CFAP43: variants seen among roughly 807,000 people sequenced by gnomAD.
CFAP43 encodes the protein cilia- and flagella-associated protein 43.
In CFAP43, 155 loss-of-function variants were observed where a neutral mutation model predicts 218.9. The ratio of observed to expected loss-of-function variants is 0.71; its 90% CI spans 0.62 to 0.81. The LOEUF is 0.81. Among genes scored for constraint, CFAP43 ranks in the 30% least tolerant of loss-of-function variants. CFAP43 has a pLI of 0.00. For missense variants in CFAP43, 1,778 were observed against 1,954.3 expected (o/e 0.91, Z 1.70); for synonymous variants, 645 against 681.3 (o/e 0.95, Z 0.83).
Position 104,182,515 on chromosome 10 carries a change from T to G in CFAP43, c.2142-2A>C. 3.2e-6 allele frequency: 5 copies of G among 1,567,530 alleles called. No homozygotes were observed. The highest frequency in any genetic ancestry group is 4.3e-6 in the Non-Finnish European group (5 of 1,165,896). ...CTGGCTAGGTGTCCTCCAAATCGCC[T>G]ATATTAATAAAAAAGAAAACACAGA... On this transcript the variant is annotated splice_acceptor_variant, in intron 16 of 37. Transcript: ENST00000357060. LOFTEE classifies it high-confidence loss of function.
intron 12 of CFAP43, among the ~76,000 whole-genome samples, chr10:104,191,789 TGGGG>T (rs34617952): frequency 2.3e-4 from 33 of 145,878 alleles, no homozygotes; most frequent in African/African-American, 7.7e-4. Flanking sequence ...ATTGTGTGTG[TGGGG>T]GGGGGGAAAC....
intron 32 of CFAP43, 52 bp downstream of exon 32, chr10:104,143,374 T>G (rs1489149197): frequency 1.3e-6 from 2 of 1,484,292 alleles, no homozygotes; most frequent in South Asian, 1.2e-5. Flanking sequence ...ATGTAAACTA[T>G]GTATTTGATA....
intron 21 of CFAP43, among the ~76,000 whole-genome samples, chr10:104,168,134 C>T (rs1037450482): frequency 2.6e-5 from 4 of 152,144 alleles, no homozygotes; most frequent in African/African-American, 9.7e-5. Flanking sequence ...AGAACAGCCC[C>T]CACAACAAGA....
chr10:104,195,848 A>T (rs2090367610), intron 10 of CFAP43, among the ~76,000 whole-genome samples: 1 of 152,146 alleles, frequency 6.6e-6, no homozygotes, highest in Non-Finnish European at 1.5e-5. Context: ...CCTCCTGGAA[A>T]ATCTCTTGAA....
At chr10:104,218,815 G>A (rs747555490) in intron 3 of CFAP43, 5 of 546,106 alleles carry the variant, frequency 9.2e-6, no homozygotes, top group Non-Finnish European at 1.9e-5. Flanking sequence ...CTAGGGTGTT[G>A]CCCTCATCTC....
chr10:104,131,373 A>G lies in CFAP43; in HGVS notation c.4789T>C (p.Leu1597=), dbSNP rs779318376. The G allele has an allele frequency of 1.9e-6, 3 of 1,613,140 alleles. No individual in the cohort carries two copies. Among genetic ancestry groups the G allele is most frequent in the Admixed American group, 1.7e-5 (1 of 59,834 alleles). Residue 1597 remains leucine, a synonymous_variant, in exon 37 of 38, where the codon TTG becomes CTG. Transcript: ENST00000357060. The stretch of plus-strand genomic sequence containing the variant: ...TCTTTTCTCTCTGAGACAGCTACCA[A>G]CTCTTCTCGTAGATTGCAGCTTAGG... ...YALSCNLREE[L]VAVSERKDIC...
intron 32 of CFAP43, 95 bp from the exon 33 acceptor site, chr10:104,142,488 A>C: frequency 2.5e-6 from 2 of 792,282 alleles, no homozygotes; most frequent in East Asian, 5.4e-5. Flanking sequence ...AAACCTTAAC[A>C]GGTCTATCTT....
chr10:104,187,134 A>T (rs1453097054), intron 14 of CFAP43, among the ~76,000 whole-genome samples, 186 bp downstream of exon 14: 1 of 152,226 alleles, frequency 6.6e-6, no homozygotes, highest in Non-Finnish European at 1.5e-5. Flanking sequence ...GGTTGCTCAA[A>T]TATATTGTAT....
Position 104,185,237 on chromosome 10 carries a change from T to G in CFAP43, c.2011-91A>C, listed in dbSNP as rs1320547386. 5.3e-6 allele frequency: 8 copies of G among 1,508,012 alleles called. No homozygotes were observed. The East Asian group carries it at 1.8e-4, about 34-fold the overall frequency. 93.4% of individuals were successfully genotyped at this position (1,508,012 alleles called of 1,614,324 possible). On this transcript the variant is annotated intron_variant, in intron 15 of 37. Coordinates refer to ENST00000357060, the MANE Select transcript of CFAP43 (RefSeq NM_025145.7). ...GGGTTATATGCCCCTTTTTTGTGGA[T>G]AAATCATTTTCTATTTGCTAACAGC...
rs746017885 is a variant in CFAP43 at position 104,196,826 on chromosome 10, T to A, written c.1293+27A>T. 90 of 1,547,386 alleles carry A rather than the reference T, an allele frequency of 5.8e-5. 2 individuals carry two copies. Among genetic ancestry groups the A allele is most frequent in the Admixed American group, 2.0e-4 (11 of 53,856 alleles). ...ATTGGATTAGAATTCAGTATTTTTTTAAAATCCATTTATCAAGTATACTTA... is the reference window on the plus strand; with the variant it reads ...ATTGGATTAGAATTCAGTATTTTTTAAAAATCCATTTATCAAGTATACTTA... On this transcript the variant is annotated intron_variant, in intron 10 of 37. Coordinates refer to ENST00000357060, the MANE Select transcript of CFAP43 (RefSeq NM_025145.7).
At chr10:104,176,730 G>A (rs1043297475) in intron 19 of CFAP43, among the ~76,000 whole-genome samples, 1 of 152,144 alleles carries the variant, frequency 6.6e-6, no homozygotes, top group Admixed American at 6.5e-5. Context: ...GAAGATAGCA[G>A]GGTCTCCAAC....
Position 104,198,082 on chromosome 10 carries a change from G to A in CFAP43, c.1096-44C>T, listed in dbSNP as rs768136830. On this transcript the variant is annotated intron_variant, in intron 8 of 37. Transcript: ENST00000357060. ...AAAAGAAACACATTGTAATTGTTGTGTATATAGTTCAACAAATATTTATTA... is the reference window on the plus strand; with the variant it reads ...AAAAGAAACACATTGTAATTGTTGTATATATAGTTCAACAAATATTTATTA... The A allele has an allele frequency of 8.5e-6, 10 of 1,179,148 alleles. No individual in the cohort carries two copies. The South Asian group carries it at 1.0e-4, about 12-fold the overall frequency. The allele number at this position is 1,179,148 out of a possible 1,614,324, so 73.0% of individuals were successfully genotyped here. A position where few individuals can be genotyped will look rare whatever the true frequency, so the allele number is the denominator to read the frequency against.
intron 3 of CFAP43, chr10:104,218,895 G>A (rs781156060): frequency 6.1e-6 from 3 of 494,502 alleles, no homozygotes; most frequent in Admixed American, 2.2e-5. Context: ...CATGACAGCG[G>A]GAGACTGGAC....
At chr10:104,184,318 T>A (rs1356203224) in intron 16 of CFAP43, among the ~76,000 whole-genome samples, 1 of 152,084 alleles carries the variant, frequency 6.6e-6, no homozygotes, top group Non-Finnish European at 1.5e-5. Context: ...CAAAATCTAA[T>A]TAGGAAAGTG....
At chr10:104,205,882 T>G in intron 7 of CFAP43, 81 bp downstream of exon 7, 1 of 1,155,198 alleles carries the variant, frequency 8.7e-7, no homozygotes, top group Non-Finnish European at 1.3e-6. Context: ...TCCTAAAATA[T>G]GGCTCATAAT....
chr10:104,213,412 C>A (rs985885476), intron 4 of CFAP43, among the ~76,000 whole-genome samples: 13 of 152,178 alleles, frequency 8.5e-5, no homozygotes, highest in African/African-American at 2.9e-4. Flanking sequence ...CAAAAGCACC[C>A]ATTATCACCA....
intron 27 of CFAP43, 57 bp downstream of exon 27, chr10:104,160,980 G>T (rs1009392895): frequency 1.7e-5 from 25 of 1,490,200 alleles, no homozygotes; most frequent in South Asian, 2.6e-5. Flanking sequence ...CATTTGAAAA[G>T]ATATTTAAAC....
Position 104,179,082 on chromosome 10 carries a change from A to C in CFAP43, c.2407T>G (p.Phe803Val). Reference protein sequence around the residue: ...QEAIKKEVNLFSKKRKEIKQG... With the variant: ...QEAIKKEVNLVSKKRKEIKQG... ...TTTATCTCTTTCCTTTTCTTGGAAA[A>C]CAGATTAACCTCCTTTTTGATGGCC... is the stretch of plus-strand genomic sequence containing the variant. Residue 803 changes from phenylalanine to valine, a missense_variant, in exon 19 of 38, where the codon TTT (phenylalanine) becomes GTT (valine). By Grantham distance (50) the Phe-to-Val change is conservative (BLOSUM62 -1). Around this residue, in one of 3 missense-constraint regions of CFAP43, gnomAD observed 1,553 missense variants for 1,685.2 expected, o/e 0.92. Coordinates refer to ENST00000357060, the MANE Select transcript of CFAP43 (RefSeq NM_025145.7). 6.2e-7 allele frequency: 1 copy of C among 1,613,464 alleles called. No individual in the cohort carries two copies. Among genetic ancestry groups the C allele is most frequent in the African/African-American group, 1.3e-5 (1 of 75,032 alleles).
intron 16 of CFAP43, 64 bp downstream of exon 16, chr10:104,184,952 A>G (rs2089982694): frequency 1.3e-6 from 2 of 1,567,886 alleles, no homozygotes; most frequent in Admixed American, 2.0e-5. Flanking sequence ...TACTTAAATA[A>G]TAATAAAATC....
Sources: allele counts gnomAD v4.1 joint callset (sites outside exome capture counted in the v4.1 genomes callset), GRCh38; gene constraint gnomAD v4.1.1; regional missense constraint gnomAD v4.1.1; transcripts MANE v1.5; gene names NCBI Gene and HGNC (gene_info 2026-07-23, HGNC 2026-07-21).